Variants in PTPRK observed in about 807,000 individuals in gnomAD.
PTPRK encodes the protein receptor-type tyrosine-protein phosphatase kappa.
Under a neutral mutation model 178.0 loss-of-function variants are expected in PTPRK, and 75 were observed. The observed-to-expected ratio is 0.42, with a 90% confidence interval of 0.35 to 0.51. The LOEUF is 0.51. PTPRK is among the 20% of genes least tolerant of loss of function. The probability of loss-of-function intolerance (pLI) is 0.02; values close to 1 mark genes in which losing one functional copy is unlikely to be tolerated. For missense variants in PTPRK, 1,441 were observed against 1,797.8 expected (o/e 0.80, Z 3.59); for synonymous variants, 637 against 620.6 (o/e 1.03, Z -0.39).
intron 6 of PTPRK, among the ~76,000 whole-genome samples, chr6:128,205,422 G>A (rs183390705): frequency 6.6e-6 from 1 of 152,070 alleles, no homozygotes; most frequent in East Asian, 1.9e-4. Flanking sequence ...GAACTTAAAA[G>A]TTGAAGAAAA....
At chr6:128,518,593 T>C (rs371441421) in intron 1 of PTPRK, among the ~76,000 whole-genome samples, 1 of 152,208 alleles carries the variant, frequency 6.6e-6, no homozygotes, top group Non-Finnish European at 1.5e-5. Context: ...ACAAACACTG[T>C]GCAGAAATCA....
chr6:128,283,501 T>G (rs1046638423), intron 3 of PTPRK, among the ~76,000 whole-genome samples: 1 of 152,164 alleles, frequency 6.6e-6, no homozygotes, highest in South Asian at 2.1e-4. Context: ...TTAGAAAGCA[T>G]GAACTTTTAT....
chr6:128,193,899 A>C (rs1218939158), intron 6 of PTPRK, among the ~76,000 whole-genome samples: 1 of 151,966 alleles, frequency 6.6e-6, no homozygotes, highest in Non-Finnish European at 1.5e-5. Flanking sequence ...GGGTGGATGA[A>C]AAGGTGATGG....
chr6:128,350,727 T>C (rs148175751), intron 2 of PTPRK, among the ~76,000 whole-genome samples: 114 of 152,310 alleles, frequency 7.5e-4, no homozygotes, highest in African/African-American at 2.2e-3. Flanking sequence ...GGCCAAAATA[T>C]GTGGGATTTG....
intron 2 of PTPRK, among the ~76,000 whole-genome samples, chr6:128,344,040 T>C (rs1419343677): frequency 6.6e-6 from 1 of 152,192 alleles, no homozygotes; most frequent in African/African-American, 2.4e-5. Context: ...ACTATCTGCC[T>C]TATAGGAATG....
At chr6:128,354,970 A>G (rs1833764124) in intron 2 of PTPRK, among the ~76,000 whole-genome samples, 2 of 152,230 alleles carry the variant, frequency 1.3e-5, no homozygotes, top group Admixed American at 1.3e-4. Context: ...TCATCAACAA[A>G]TATTTTACAG....
In PTPRK at chr6:128,418,590, A is replaced by G. The variant is rs535177589; in HGVS notation, c.101-20902T>C. 4.6e-5 allele frequency among the ~76,000 whole-genome samples: 7 copies of G among 152,134 alleles called. No individual in the cohort carries two copies. The East Asian group carries it at 9.7e-4, about 21-fold the overall frequency. ...GTGTCCTCCCCATACCAGCCCCCCAATCCCTCACCCTCATCTGGGGAAAAA... is the reference window on the plus strand; with the variant it reads ...GTGTCCTCCCCATACCAGCCCCCCAGTCCCTCACCCTCATCTGGGGAAAAA... On this transcript the variant is annotated intron_variant, in intron 1 of 29. Coordinates refer to ENST00000368226, the MANE Select transcript of PTPRK (RefSeq NM_002844.4).
At chr6:128,180,923 C>T (rs1407480376) in intron 7 of PTPRK, among the ~76,000 whole-genome samples, 4 of 151,824 alleles carry the variant, frequency 2.6e-5, no homozygotes, top group Non-Finnish European at 1.5e-5. Flanking sequence ...GTATTAAGGC[C>T]GTTAAAAGTC....
At chr6:128,238,003 T>C (rs967087340) in intron 5 of PTPRK, 9 of 446,106 alleles carry the variant, frequency 2.0e-5, no homozygotes, top group African/African-American at 1.8e-4. Context: ...ATTTCAATAT[T>C]TCTTGTAGAT....
chr6:128,210,632 GAACA>G lies in PTPRK; in HGVS notation c.868+8286_868+8289del, dbSNP rs562187530. 4.1e-4 allele frequency among the ~76,000 whole-genome samples: 62 copies of G among 152,228 alleles called. 1 individual carries two copies. The highest frequency in any genetic ancestry group is 1.4e-3 in the African/African-American group (58 of 41,560). Reference sequence around the variant, plus strand: ...ATCAAGGAAGGAGGTGAGTGATAAAGAACAAATTTGGAGTGGCAGTCAGGGGATA... The same window carrying G: ...ATCAAGGAAGGAGGTGAGTGATAAAGAATTTGGAGTGGCAGTCAGGGGATA... On this transcript the variant is annotated intron_variant, in intron 6 of 29. Transcript: ENST00000368226.
intron 1 of PTPRK, chr6:128,500,880 CA>C (rs1855462435): frequency 6.6e-6 from 1 of 152,310 alleles, no homozygotes; most frequent in Non-Finnish European, 1.5e-5. Flanking sequence ...CTCCTGGGCT[CA>C]AGCAATCCTC....
At chr6:128,341,977 T>C (rs376194217) in intron 2 of PTPRK, among the ~76,000 whole-genome samples, 9 of 152,252 alleles carry the variant, frequency 5.9e-5, no homozygotes, top group African/African-American at 1.9e-4. Context: ...ATACGGCCAG[T>C]CGCAGTGGCT....
chr6:128,102,252 GGCCAGATCACTT>G (rs1238006130), intron 7 of PTPRK, among the ~76,000 whole-genome samples: 1 of 152,084 alleles, frequency 6.6e-6, no homozygotes, highest in Non-Finnish European at 1.5e-5. Context: ...AAATTACAGA[GGCCAGATCACTT>G]GCTTAGAATT....
chr6:128,075,441 AGG>A (rs1783627500), intron 11 of PTPRK, among the ~76,000 whole-genome samples: 2 of 151,932 alleles, frequency 1.3e-5, no homozygotes, highest in African/African-American at 2.4e-5. Flanking sequence ...TCCATGACCT[AGG>A]CTATCTGCAA....
At chr6:128,325,512 A>C (rs1829427856) in intron 2 of PTPRK, among the ~76,000 whole-genome samples, 1 of 152,200 alleles carries the variant, frequency 6.6e-6, no homozygotes, top group African/African-American at 2.4e-5. Flanking sequence ...TGGGTGAAAG[A>C]TATGAACAGA....
intron 7 of PTPRK, among the ~76,000 whole-genome samples, chr6:128,128,636 C>T (rs1224131395): frequency 1.3e-5 from 2 of 152,214 alleles, no homozygotes; most frequent in Non-Finnish European, 2.9e-5. Flanking sequence ...TGAACCTCCT[C>T]TGGATTCTAA....
At chr6:128,137,826 C>T (rs1397600881) in intron 7 of PTPRK, among the ~76,000 whole-genome samples, 1 of 152,064 alleles carries the variant, frequency 6.6e-6, no homozygotes, top group African/African-American at 2.4e-5. Context: ...TCATATGAAA[C>T]ATTCCAGGCA....
intron 1 of PTPRK, among the ~76,000 whole-genome samples, chr6:128,466,872 AT>A (rs1398991428): frequency 1.3e-5 from 2 of 152,258 alleles, no homozygotes; most frequent in African/African-American, 4.8e-5. Context: ...CCCTTAAAAA[AT>A]ATCAGAGAGA....
chr6:128,482,953 C>A (rs1281945929), intron 1 of PTPRK, among the ~76,000 whole-genome samples: 1 of 152,084 alleles, frequency 6.6e-6, no homozygotes, highest in Non-Finnish European at 1.5e-5. Flanking sequence ...CTTGATGCAC[C>A]AACATTGTCC....
Sources: gnomAD v4.1 joint callset for allele counts (sites outside exome capture counted in the v4.1 genomes callset) on GRCh38, gnomAD v4.1.1 for gene constraint, MANE v1.5 for transcripts, NCBI Gene and HGNC (gene_info 2026-07-23, HGNC 2026-07-21) for gene names.